Variants in WASF1 observed in about 807,000 individuals in gnomAD.
WASF1 encodes actin-binding protein WASF1.
Under a neutral mutation model 50.5 loss-of-function variants are expected in WASF1, and 7 were observed. The ratio of observed to expected loss-of-function variants is 0.14; its 90% CI spans 0.08 to 0.26. WASF1 has a LOEUF of 0.26. Among genes scored for constraint, WASF1 ranks in the 10% least tolerant of loss-of-function variants. The pLI is 1.00. For missense variants in WASF1, 470 were observed against 694.7 expected (o/e 0.68, Z 3.64); for synonymous variants, 205 against 244.0 (o/e 0.84, Z 1.49).
chr6:110,172,125 C>T (rs981272061), intron 2 of WASF1, among the ~76,000 whole-genome samples: 16 of 152,116 alleles, frequency 1.1e-4, no homozygotes, highest in African/African-American at 3.6e-4. Flanking sequence ...GACAGTGTGG[C>T]GATTCCTCAA....
At position 110,101,876 on chromosome 6, in the gene WASF1, C is replaced by A; in HGVS notation, c.1234G>T (p.Val412Phe). ...ACTTCACCTTGTGGGAGTGGATGAA[C>A]TGGTACAGTCTCACATACTGGGGCA... ...RAAPVCETVPVHPLPQGEVQG... is the reference protein window; with the variant it reads ...RAAPVCETVPFHPLPQGEVQG... The change falls in exon 10 of 11, where the codon GTT becomes TTT. Residue 412 changes from valine (V) to phenylalanine (F), a missense_variant. Physicochemically the swap from Val to Phe is conservative, Grantham distance 50. Transcript: ENST00000392589. 6.2e-7 allele frequency: 1 copy of A among 1,613,638 alleles called. No individual in the cohort carries two copies. Among genetic ancestry groups the A allele is most frequent in the Non-Finnish European group, 8.5e-7 (1 of 1,179,836 alleles).
At chr6:110,170,261 C>T (rs535775240) in intron 2 of WASF1, among the ~76,000 whole-genome samples, 101 of 152,186 alleles carry the variant, frequency 6.6e-4, no homozygotes, top group Middle Eastern at 3.4e-3. Flanking sequence ...TTCCTTCCAT[C>T]ACTCAGACCG....
chr6:110,174,650 G>C (rs376682479), intron 2 of WASF1, among the ~76,000 whole-genome samples: 2 of 152,098 alleles, frequency 1.3e-5, no homozygotes, highest in East Asian at 3.9e-4. Context: ...GGCTATGATA[G>C]CAATTAAACA....
At chr6:110,177,865 A>T (rs1776998867) in intron 2 of WASF1, among the ~76,000 whole-genome samples, 1 of 152,094 alleles carries the variant, frequency 6.6e-6, no homozygotes, top group Admixed American at 6.5e-5. Context: ...TTTTATAGTG[A>T]ATCATTTATT....
intron 5 of WASF1, among the ~76,000 whole-genome samples, chr6:110,112,192 A>C (rs1773586787): frequency 6.6e-6 from 1 of 151,958 alleles, no homozygotes; most frequent in African/African-American, 2.4e-5. Context: ...TCTATTATAT[A>C]ATTTGCATTT....
At chr6:110,175,527 A>C (rs935067669) in intron 2 of WASF1, among the ~76,000 whole-genome samples, 1 of 152,132 alleles carries the variant, frequency 6.6e-6, no homozygotes. Context: ...ATGAACTCTC[A>C]GGAAAAAAAG....
chr6:110,134,521 T>C (rs949780772), intron 3 of WASF1, among the ~76,000 whole-genome samples: 2 of 151,702 alleles, frequency 1.3e-5, no homozygotes, highest in African/African-American at 4.9e-5. Flanking sequence ...GCCTCCTGGG[T>C]TCAAGTGATT....
intron 2 of WASF1, among the ~76,000 whole-genome samples, chr6:110,173,447 GA>G (rs953894194): frequency 2.6e-5 from 4 of 152,026 alleles, no homozygotes; most frequent in Non-Finnish European, 5.9e-5. Flanking sequence ...AAGGGAGTAG[GA>G]AAAAAATGGG....
intron 2 of WASF1, among the ~76,000 whole-genome samples, chr6:110,164,797 G>C (rs1049778586): frequency 7.3e-5 from 11 of 151,440 alleles, no homozygotes; most frequent in African/African-American, 2.7e-4. Context: ...GAACCAACCA[G>C]TATGTCCTCG....
At chr6:110,132,164 T>C (rs2114527199) in intron 3 of WASF1, among the ~76,000 whole-genome samples, 1 of 152,168 alleles carries the variant, frequency 6.6e-6, no homozygotes, top group East Asian at 1.9e-4. Flanking sequence ...ACAATATATA[T>C]TGTTGTATAT....
At chr6:110,104,037 G>A (rs543530759) in intron 8 of WASF1, among the ~76,000 whole-genome samples, 16 of 151,846 alleles carry the variant, frequency 1.1e-4, no homozygotes, top group Non-Finnish European at 1.8e-4. Flanking sequence ...CAGAGAGAAA[G>A]GCCTCCCAGA....
At chr6:110,137,771 T>C (rs1775033592) in intron 3 of WASF1, among the ~76,000 whole-genome samples, 2 of 152,134 alleles carry the variant, frequency 1.3e-5, no homozygotes, top group Admixed American at 1.3e-4. Context: ...GAAAGGAAAT[T>C]AAAAAACATC....
rs543787638 is a variant in WASF1, at chr6:110,100,405, G to C, written c.*117C>G. 5 of 952,126 alleles carry C rather than the reference G, an allele frequency of 5.3e-6. No individual in the cohort carries two copies. In the Admixed American group the frequency reaches 1.0e-4, roughly 20 times the overall value. The allele number at this position is 952,126 out of a possible 1,614,324, so 59.0% of individuals were successfully genotyped here. A position where few individuals can be genotyped will look rare whatever the true frequency, so the allele number is the denominator to read the frequency against. Reference sequence around the variant, plus strand: ...GAAATCAAAAGTTATGGAGGAAAAGGGTCATTTATTATAAGGAAAAGAAAG... The same window carrying C: ...GAAATCAAAAGTTATGGAGGAAAAGCGTCATTTATTATAAGGAAAAGAAAG... On this transcript the variant is annotated 3_prime_UTR_variant, in exon 11 of 11. Coordinates refer to ENST00000392589, the MANE Select transcript of WASF1 (RefSeq NM_003931.3).
chr6:110,101,327 CT>C (rs1201653636), intron 10 of WASF1, among the ~76,000 whole-genome samples: 1 of 151,994 alleles, frequency 6.6e-6, no homozygotes, highest in Non-Finnish European at 1.5e-5. Flanking sequence ...ACATTTAAGT[CT>C]GATATATTAA....
rs535600504 is a variant in WASF1 at position 110,127,596 on chromosome 6, C to T, written c.6G>A (p.Pro2=). The T allele has an allele frequency of 3.3e-5, 52 of 1,557,952 alleles. No individual in the cohort carries two copies. Among genetic ancestry groups the T allele is most frequent in the South Asian group, 1.8e-4 (14 of 79,914 alleles). M[P]LVKRNIDPRH... is the part of the protein sequence containing the mutation. ...TAGGATCGATGTTTCTTTTCACTAG[C>T]GGCATCTTGAGATTAACCTTTGTGC... The change falls in exon 4 of 11, where the codon CCG becomes CCA. Residue 2 remains proline, a synonymous_variant. Coordinates refer to ENST00000392589, the MANE Select transcript of WASF1 (RefSeq NM_003931.3).
rs561821967 is a variant in WASF1, at chr6:110,110,388, C to T, written c.269-1707G>A. On this transcript the variant is annotated intron_variant, in intron 5 of 10. Coordinates refer to ENST00000392589, the MANE Select transcript of WASF1 (RefSeq NM_003931.3). ...TGCCAGAAGTGGGTTGTGTTTTCTG[C>T]AGTCAAAGTGGATCAATTCTTGCCA... 5.3e-5 allele frequency among the ~76,000 whole-genome samples: 8 copies of T among 152,336 alleles called. 1 individual carries two copies. The South Asian group carries it at 1.7e-3, about 32-fold the overall frequency.
chr6:110,125,706 GT>G (rs1562171105), intron 4 of WASF1, among the ~76,000 whole-genome samples: 3 of 152,080 alleles, frequency 2.0e-5, no homozygotes, highest in Admixed American at 2.0e-4. Flanking sequence ...TATTTTATGG[GT>G]TTTCTCTTTG....
At chr6:110,104,236 T>C (rs541628559) in intron 8 of WASF1, among the ~76,000 whole-genome samples, 18 of 152,288 alleles carry the variant, frequency 1.2e-4, no homozygotes, top group African/African-American at 4.1e-4. Context: ...AAAAGTTGGA[T>C]TTAACAGATG....
At chr6:110,126,136 CAT>C (rs1774406132) in intron 4 of WASF1, among the ~76,000 whole-genome samples, 1 of 152,068 alleles carries the variant, frequency 6.6e-6, no homozygotes, top group Non-Finnish European at 1.5e-5. Context: ...ATGTACATAA[CAT>C]ATATAAAACA....
Sources: gnomAD v4.1 joint callset for allele counts (sites outside exome capture counted in the v4.1 genomes callset) on GRCh38, gnomAD v4.1.1 for gene constraint, MANE v1.5 for transcripts, NCBI Gene and HGNC (gene_info 2026-07-23, HGNC 2026-07-21) for gene names.